EPM2AIP1: variants seen among roughly 807,000 people sequenced by gnomAD.
EPM2AIP1 encodes the protein EPM2A-interacting protein 1.
EPM2AIP1 carries 23 observed loss-of-function variants against 44.8 expected under a neutral mutation model. The observed-to-expected ratio is 0.51, with a 90% confidence interval of 0.37 to 0.73. The LOEUF (loss-of-function observed/expected upper bound fraction) is 0.73, where lower values mean the gene tolerates loss of function less well. EPM2AIP1 is among the 30% of genes least tolerant of loss of function. The probability of loss-of-function intolerance (pLI) is 0.00; values close to 1 mark genes in which losing one functional copy is unlikely to be tolerated. For missense variants in EPM2AIP1, 652 were observed against 743.9 expected, an observed-to-expected ratio of 0.88 and a Z score of 1.44; for synonymous variants, 311 against 284.3, an observed-to-expected ratio of 1.09 and a Z score of -0.94.
Position 36,990,795 on chromosome 3 carries a change from C to G in EPM2AIP1, c.*459G>C, listed in dbSNP as rs1286497781. 1 of 985,832 alleles carries G rather than the reference C, an allele frequency of 1.0e-6. No homozygotes were observed. The highest frequency in any genetic ancestry group is 1.7e-5 in the African/African-American group (1 of 57,234). 61.1% of individuals were successfully genotyped at this position (985,832 alleles called of 1,614,324 possible). On this transcript the variant is annotated 3_prime_UTR_variant, in exon 1 of 1. Transcript: ENST00000322716. ...ACCTCCACTGTTATGTATGGGCTTC[C>G]TTTTTGGAAACTTATGAACTTGCTA...
chr3:36,990,870 T>A lies in EPM2AIP1; in HGVS notation c.*384A>T. 2 of 991,330 alleles carry A rather than the reference T, an allele frequency of 2.0e-6. No individual in the cohort carries two copies. The highest frequency in any genetic ancestry group is 2.4e-6 in the Non-Finnish European group (2 of 833,264). 61.4% of individuals were successfully genotyped at this position (991,330 alleles called of 1,614,324 possible). On this transcript the variant is annotated 3_prime_UTR_variant, in exon 1 of 1. Coordinates refer to ENST00000322716, the MANE Select transcript of EPM2AIP1 (RefSeq NM_014805.4). ...AAAGCACATTTAAGGAGTTGATAAT[T>A]TAAGACTATATGAATCAGAATTTTA...
chr3:36,992,879 G>T lies in EPM2AIP1; in HGVS notation c.199C>A (p.Arg67=), dbSNP rs1306973797. The T allele has an allele frequency of 1.5e-5, 24 of 1,611,458 alleles. No individual in the cohort carries two copies. The highest frequency in any genetic ancestry group is 1.9e-5 in the Non-Finnish European group (23 of 1,179,720). ...GCGCGCTCGCCGTCCGCCACATACCGCTCGTAGTATTCGTGCTCAGCCTCG... is the reference window on the plus strand; with the variant it reads ...GCGCGCTCGCCGTCCGCCACATACCTCTCGTAGTATTCGTGCTCAGCCTCG... ...HYEAEHEYYE[R]YVADGERAAL... The change falls in exon 1 of 1, where the codon CGG becomes AGG. Residue 67 remains arginine, a synonymous_variant. Coordinates refer to ENST00000322716, the MANE Select transcript of EPM2AIP1 (RefSeq NM_014805.4). The surrounding 1 kb of genome is among the most constrained non-coding windows in gnomAD (Gnocchi z 5.3).
Position 36,990,495 on chromosome 3 carries a change from T to TA in EPM2AIP1, c.*758dup. 2 of 982,976 alleles carry TA rather than the reference T, an allele frequency of 2.0e-6. No homozygotes were observed. Among genetic ancestry groups the TA allele is most frequent in the African/African-American group, 3.5e-5 (2 of 57,164 alleles). 60.9% of individuals were successfully genotyped at this position (982,976 alleles called of 1,614,324 possible). A position where few individuals can be genotyped will look rare whatever the true frequency, so the allele number is the denominator to read the frequency against. On this transcript the variant is annotated 3_prime_UTR_variant, in exon 1 of 1. Transcript: ENST00000322716. ...CTGGCAACCATTAAGATTCTATACTTACCATAGTCCTTTAATAGGCAAGCT... is the reference window on the plus strand; with the variant it reads ...CTGGCAACCATTAAGATTCTATACTTAACCATAGTCCTTTAATAGGCAAGCT...
In EPM2AIP1 at chr3:36,988,854, T is replaced by A. The variant is rs2080784328; in HGVS notation, c.*2400A>T. The A allele has an allele frequency of 6.6e-6, 1 of 151,288 alleles. No individual in the cohort carries two copies. Among genetic ancestry groups the A allele is most frequent in the Non-Finnish European group, 1.5e-5 (1 of 67,900 alleles). 9.4% of individuals were successfully genotyped at this position (151,288 alleles called of 1,614,324 possible). A position where few individuals can be genotyped will look rare whatever the true frequency, so the allele number is the denominator to read the frequency against. ...AAGGACCTAATAATTTTTTTTTTAA[T>A]GTACGTATTTTAACTATATTCACTG... On this transcript the variant is annotated 3_prime_UTR_variant, in exon 1 of 1. Transcript: ENST00000322716.
At position 36,991,606 on chromosome 3, in the gene EPM2AIP1, G is replaced by T; in HGVS notation, c.1472C>A (p.Pro491Gln). ...TGCATATTCAGGTTTAAAGTTAAAT[G>T]GATTTGAAAAAAGTTCTAAGTCCTT... ...IKKDLELFSNPFNFKPEYAPI... is the reference protein window; with the variant it reads ...IKKDLELFSNQFNFKPEYAPI... Residue 491 changes from proline (P) to glutamine (Q), a missense_variant, in exon 1 of 1, where the codon CCA (proline) becomes CAA (glutamine). Coordinates refer to ENST00000322716, the MANE Select transcript of EPM2AIP1 (RefSeq NM_014805.4). 6.2e-7 allele frequency: 1 copy of T among 1,612,974 alleles called. No homozygotes were observed.
Position 36,991,780 on chromosome 3 carries a change from T to A in EPM2AIP1, c.1298A>T (p.Asp433Val). Residue 433 changes from aspartate (D) to valine (V), a missense_variant, in exon 1 of 1, where the codon GAC becomes GTC. Transcript: ENST00000322716. ...QRHIEEKNLTDFPALREVVDE... is the reference protein window; with the variant it reads ...QRHIEEKNLTVFPALREVVDE... The stretch of plus-strand genomic sequence containing the variant: ...AACAACTTCTCTGAGGGCAGGAAAG[T>A]CTGTTAGATTTTTTTCCTCAATATG... 2 of 1,613,396 alleles carry A rather than the reference T, an allele frequency of 1.2e-6. No individual in the cohort carries two copies. Among genetic ancestry groups the A allele is most frequent in the Non-Finnish European group, 1.7e-6 (2 of 1,179,718 alleles).
Position 36,987,374 on chromosome 3 carries a change from T to C in EPM2AIP1, c.*3880A>G, listed in dbSNP as rs1482889964. 1.3e-5 allele frequency: 2 copies of C among 151,902 alleles called. No homozygotes were observed. The highest frequency in any genetic ancestry group is 2.9e-5 in the Non-Finnish European group (2 of 67,854). 9.4% of individuals were successfully genotyped at this position (151,902 alleles called of 1,614,324 possible). On this transcript the variant is annotated 3_prime_UTR_variant, in exon 1 of 1. Transcript: ENST00000322716. Reference sequence around the variant, plus strand: ...ATTTAGTAAAAACATATTGTTTTAGTTCACTAAGTAGTTGTCTAATCTTTT... The same window carrying C: ...ATTTAGTAAAAACATATTGTTTTAGCTCACTAAGTAGTTGTCTAATCTTTT...
Position 36,992,997 on chromosome 3 carries a change from C to T in EPM2AIP1, c.81G>A (p.Leu27=), listed in dbSNP as rs374715417. The T allele has an allele frequency of 3.1e-6, 5 of 1,613,114 alleles. No individual in the cohort carries two copies. The highest frequency in any genetic ancestry group is 4.2e-6 in the Non-Finnish European group (5 of 1,179,832). ...CATCGCCCTCCGGAGGCTCCACCAC[C>T]AAATAACGCTGGGTCCACTCGGGCC... ...VFRPEWTQRY[L]VVEPPEGDGA... The change falls in exon 1 of 1, where the codon TTG becomes TTA. Residue 27 remains leucine (L), a synonymous_variant. Coordinates refer to ENST00000322716, the MANE Select transcript of EPM2AIP1 (RefSeq NM_014805.4). The surrounding 1 kb of genome is among the most constrained non-coding windows in gnomAD (Gnocchi z 5.3).
Position 36,993,098 on chromosome 3 carries a change from C to T in EPM2AIP1, c.-21G>A. 6.3e-7 allele frequency: 1 copy of T among 1,584,080 alleles called. No individual in the cohort carries two copies. The highest frequency in any genetic ancestry group is 8.6e-7 in the Non-Finnish European group (1 of 1,163,240). On this transcript the variant is annotated 5_prime_UTR_variant, in exon 1 of 1. Transcript: ENST00000322716. ...CACATTCTGCGGGAGGCCACAAGAG[C>T]AGGGCCAACGTTAGAAAGGCCGCAA... is the stretch of plus-strand genomic sequence containing the variant.
chr3:36,990,984 T>C lies in EPM2AIP1; in HGVS notation c.*270A>G. The C allele has an allele frequency of 4.5e-6, 5 of 1,115,956 alleles. No individual in the cohort carries two copies. The highest frequency in any genetic ancestry group is 5.5e-6 in the Non-Finnish European group (5 of 911,500). The allele number at this position is 1,115,956 out of a possible 1,614,324, so 69.1% of individuals were successfully genotyped here. On this transcript the variant is annotated 3_prime_UTR_variant, in exon 1 of 1. Transcript: ENST00000322716. ...CTGCAAATTCAACTCACATTAATACTAAATCTCTTTAAAATTAACTATATC... is the reference window on the plus strand; with the variant it reads ...CTGCAAATTCAACTCACATTAATACCAAATCTCTTTAAAATTAACTATATC...
At position 36,991,956 on chromosome 3, in the gene EPM2AIP1, G is replaced by T; in HGVS notation, c.1122C>A (p.Asp374Glu). Reference protein sequence around the residue: ...SVGATTVHFSDKQWLCDFGFL... With the variant: ...SVGATTVHFSEKQWLCDFGFL... The stretch of plus-strand genomic sequence containing the variant: ...AGCCAAAGTCACAAAGCCATTGTTT[G>T]TCTGAGAAGTGGACTGTTGTTGCCC... The change falls in exon 1 of 1, where the codon GAC becomes GAA. Residue 374 changes from aspartate to glutamate, a missense_variant. By Grantham distance (45) the Asp-to-Glu change is conservative. Transcript: ENST00000322716. 1 of 1,613,830 alleles carries T rather than the reference G, an allele frequency of 6.2e-7. No homozygotes were observed. Among genetic ancestry groups the T allele is most frequent in the Non-Finnish European group, 8.5e-7 (1 of 1,179,856 alleles).
rs745864698 is a variant in EPM2AIP1, at chr3:36,991,274, T to C, written c.1804A>G (p.Arg602Gly). The change falls in exon 1 of 1, where the codon AGA (arginine) becomes GGA (glycine). Residue 602 changes from arginine to glycine, a missense_variant. Coordinates refer to ENST00000322716, the MANE Select transcript of EPM2AIP1 (RefSeq NM_014805.4). Reference protein sequence around the residue: ...EPGWDDLVRERNESNP With the variant: ...EPGWDDLVREGNESNP ...AAGCCTTATGGATTAGATTCATTTC[T>C]TTCTCTCACAAGGTCATCCCAACCG... 2.5e-6 allele frequency: 4 copies of C among 1,607,454 alleles called. No homozygotes were observed. Among genetic ancestry groups the C allele is most frequent in the Non-Finnish European group, 3.4e-6 (4 of 1,175,982 alleles).
Position 36,991,780 on chromosome 3 carries a change from T to C in EPM2AIP1, c.1298A>G (p.Asp433Gly). 1 of 1,613,396 alleles carries C rather than the reference T, an allele frequency of 6.2e-7. No individual in the cohort carries two copies. The highest frequency in any genetic ancestry group is 8.5e-7 in the Non-Finnish European group (1 of 1,179,718). Reference sequence around the variant, plus strand: ...AACAACTTCTCTGAGGGCAGGAAAGTCTGTTAGATTTTTTTCCTCAATATG... The same window carrying C: ...AACAACTTCTCTGAGGGCAGGAAAGCCTGTTAGATTTTTTTCCTCAATATG... ...QRHIEEKNLTDFPALREVVDE... is the reference protein window; with the variant it reads ...QRHIEEKNLTGFPALREVVDE... The change falls in exon 1 of 1, where the codon GAC becomes GGC. Residue 433 changes from aspartate to glycine, a missense_variant. Coordinates refer to ENST00000322716, the MANE Select transcript of EPM2AIP1 (RefSeq NM_014805.4).
chr3:36,992,440 T>G lies in EPM2AIP1; in HGVS notation c.638A>C (p.Asn213Thr), dbSNP rs2080829279. The change falls in exon 1 of 1, where the codon AAC (asparagine) becomes ACC (threonine). Residue 213 changes from asparagine to threonine, a missense_variant. Physicochemically the swap from Asn to Thr is moderately conservative, Grantham distance 65. Transcript: ENST00000322716. The surrounding 1 kb of genome is among the most constrained non-coding windows in gnomAD (Gnocchi z 5.3). ...EVQEDLLTII[N>T]LTHHFSVGAL... ...ACCAACACTGAAATGATGAGTCAGG[T>G]TGATTATGGTCAGAAGATCTTCTTG... is the stretch of plus-strand genomic sequence containing the variant. The G allele has an allele frequency of 6.2e-7, 1 of 1,613,888 alleles. No individual in the cohort carries two copies. Among genetic ancestry groups the G allele is most frequent in the South Asian group, 1.1e-5 (1 of 91,074 alleles).
At position 36,987,443 on chromosome 3, in the gene EPM2AIP1, AAAT is replaced by A. The variant is rs1448858919; in HGVS notation, c.*3808_*3810del. ...CTTTGGAAATTTAAAAAAAAAAAAA[AAAT>A]ATATATATATATATGACACTGTTTA... On this transcript the variant is annotated 3_prime_UTR_variant, in exon 1 of 1. Transcript: ENST00000322716. 3 of 136,628 alleles carry A rather than the reference AAAT, an allele frequency of 2.2e-5. No homozygotes were observed. The highest frequency in any genetic ancestry group is 2.2e-4 in the South Asian group (1 of 4,550). 8.5% of individuals were successfully genotyped at this position (136,628 alleles called of 1,614,324 possible).
In EPM2AIP1 at chr3:36,991,218, TTC is replaced by T. The variant is rs774280504; in HGVS notation, c.*34_*35del. On this transcript the variant is annotated 3_prime_UTR_variant, in exon 1 of 1. Coordinates refer to ENST00000322716, the MANE Select transcript of EPM2AIP1 (RefSeq NM_014805.4). Reference sequence around the variant, plus strand: ...ACCAATTTTTGCTTTTAGAATTAAATTCTTGTTGAGTTTTTCAATCTTGTACT... The same window carrying T: ...ACCAATTTTTGCTTTTAGAATTAAATTTGTTGAGTTTTTCAATCTTGTACT... The T allele has an allele frequency of 2.0e-6, 3 of 1,512,698 alleles. No homozygotes were observed. In the Admixed American group the frequency reaches 6.7e-5, roughly 34 times the overall value. 93.7% of individuals were successfully genotyped at this position (1,512,698 alleles called of 1,614,324 possible). A position where few individuals can be genotyped will look rare whatever the true frequency, so the allele number is the denominator to read the frequency against.
At position 36,990,908 on chromosome 3, in the gene EPM2AIP1, A is replaced by C. The variant is rs2080798796; in HGVS notation, c.*346T>G. The C allele has an allele frequency of 9.9e-7, 1 of 1,006,536 alleles. No homozygotes were observed. Among genetic ancestry groups the C allele is most frequent in the African/African-American group, 1.7e-5 (1 of 57,896 alleles). The allele number at this position is 1,006,536 out of a possible 1,614,324, so 62.4% of individuals were successfully genotyped here. ...AATCAGAATTTTAACACTCCATTAA[A>C]ATAAGAGCTGAAATTTTTGGCATTT... On this transcript the variant is annotated 3_prime_UTR_variant, in exon 1 of 1. Transcript: ENST00000322716.
In EPM2AIP1 at chr3:36,992,517, A is replaced by G. The variant is rs762828752; in HGVS notation, c.561T>C (p.Tyr187=). Residue 187 remains tyrosine, a synonymous_variant, in exon 1 of 1, where the codon TAT becomes TAC. Coordinates refer to ENST00000322716, the MANE Select transcript of EPM2AIP1 (RefSeq NM_014805.4). This position sits in a 1 kb window ranked among gnomAD's most constrained non-coding sequence, Gnocchi z 5.3. ...GGATAAAGACCAGGAGGTAGTTCTC[A>G]TAGGCCACAAAAGCCTGGTCGTCCA... ...LALDDQAFVA[Y]ENYLLVFIRG... 1.9e-6 allele frequency: 3 copies of G among 1,614,040 alleles called. No homozygotes were observed.
Position 36,992,271 on chromosome 3 carries a change from G to A in EPM2AIP1, c.807C>T (p.Ser269=), listed in dbSNP as rs765005616. The part of the protein sequence containing the change: ...LVSYMREKAV[S]PNCWNVIHYS... Reference sequence around the variant, plus strand: ...AATGAATGACATTCCAACAGTTGGGGCTTACGGCCTTTTCTCTCATGTATG... The same window carrying A: ...AATGAATGACATTCCAACAGTTGGGACTTACGGCCTTTTCTCTCATGTATG... The change falls in exon 1 of 1, where the codon AGC becomes AGT. Residue 269 remains serine (S), a synonymous_variant. Coordinates refer to ENST00000322716, the MANE Select transcript of EPM2AIP1 (RefSeq NM_014805.4). The surrounding 1 kb of genome is among the most constrained non-coding windows in gnomAD (Gnocchi z 5.3). The A allele has an allele frequency of 1.9e-6, 3 of 1,613,828 alleles. No individual in the cohort carries two copies. Among genetic ancestry groups the A allele is most frequent in the African/African-American group, 2.7e-5 (2 of 74,912 alleles).
Sources: gnomAD v4.1 joint callset for allele counts on GRCh38, gnomAD v4.1.1 for gene constraint, Gnocchi (gnomAD v3.1) non-coding constraint, MANE v1.5 for transcripts, NCBI Gene and HGNC (gene_info 2026-07-23, HGNC 2026-07-21) for gene names.